Variants in MGAT4C observed in about 807,000 individuals in gnomAD.
MGAT4C encodes the protein alpha-1,3-mannosyl-glycoprotein 4-beta-N-acetylglucosaminyltransferase C.
MGAT4C carries 19 observed loss-of-function variants against 40.1 expected under a neutral mutation model. That is an observed-to-expected ratio of 0.47 (90% confidence interval 0.33 to 0.70). The LOEUF is 0.70. Ranked by LOEUF, MGAT4C falls within the 30% of genes least tolerant of loss-of-function variation. MGAT4C has a pLI of 0.02. For missense variants in MGAT4C, 491 were observed against 563.2 expected, an observed-to-expected ratio of 0.87 and a Z score of 1.30; for synonymous variants, 181 against 187.1, an observed-to-expected ratio of 0.97 and a Z score of 0.27.
chr12:86,734,026 G>A (rs372921025), intron 1 of MGAT4C, among the ~76,000 whole-genome samples: 4 of 152,166 alleles, frequency 2.6e-5, no homozygotes, highest in Admixed American at 6.6e-5. Context: ...AAATACTGCC[G>A]ACAGCTAAGG....
At chr12:86,098,539 C>CT (rs2135589957) in intron 1 of MGAT4C, among the ~76,000 whole-genome samples, 1 of 151,572 alleles carries the variant, frequency 6.6e-6, no homozygotes, top group Admixed American at 6.6e-5. Context: ...GTGTGAATGG[C>CT]TAGAAGGTAG....
chr12:86,163,528 A>G (rs985332522), intron 1 of MGAT4C, among the ~76,000 whole-genome samples: 1 of 152,136 alleles, frequency 6.6e-6, no homozygotes, highest in African/African-American at 2.4e-5. Context: ...GACCTTCTCC[A>G]TTTCACAAAC....
At chr12:86,637,471 T>C (rs1280544615) in intron 2 of MGAT4C, among the ~76,000 whole-genome samples, 1 of 151,970 alleles carries the variant, frequency 6.6e-6, no homozygotes, top group African/African-American at 2.4e-5. Context: ...AGTAGCCAAA[T>C]ATGTTAAGGT....
chr12:86,567,222 C>T (rs186627353), intron 2 of MGAT4C, among the ~76,000 whole-genome samples: 199 of 152,174 alleles, frequency 1.3e-3, no homozygotes, highest in African/African-American at 4.6e-3. Flanking sequence ...TCACCATCAC[C>T]CCTGGTGACT....
rs1158680870 is a variant in MGAT4C at position 86,174,110 on chromosome 12, G to GACACACAC, written c.-57+82121_-57+82128dup. 9.7e-5 allele frequency among the ~76,000 whole-genome samples: 9 copies of GACACACAC among 92,344 alleles called. No homozygotes were observed. In the East Asian group the frequency reaches 2.7e-3, roughly 28 times the overall value. 60.6% of individuals were successfully genotyped at this position (92,344 alleles called of 152,430 possible). On this transcript the variant is annotated intron_variant, in intron 1 of 4. Coordinates refer to ENST00000611864, the MANE Select transcript of MGAT4C (RefSeq NM_001351288.2). ...AAAGTAGGTTATTCTTACCAAAAAA[G>GACACACAC]ACACACACACACATACACACACACA...
intron 1 of MGAT4C, among the ~76,000 whole-genome samples, chr12:86,187,088 T>A (rs1403661940): frequency 1.3e-5 from 2 of 152,078 alleles, no homozygotes; most frequent in Non-Finnish European, 2.9e-5. Flanking sequence ...TTTTTTTTCA[T>A]GCTCTATACG....
chr12:86,833,992 T>C (rs1230666549), intron 1 of MGAT4C, among the ~76,000 whole-genome samples: 3 of 151,884 alleles, frequency 2.0e-5, no homozygotes, highest in African/African-American at 4.8e-5. Flanking sequence ...CATATTGTCA[T>C]AAATGACCAA....
At chr12:86,588,995 A>G (rs1961196776) in intron 2 of MGAT4C, among the ~76,000 whole-genome samples, 2 of 150,908 alleles carry the variant, frequency 1.3e-5, no homozygotes, top group African/African-American at 4.9e-5. Context: ...TAAAAGAACT[A>G]GAAAAGCAAG....
chr12:86,821,735 C>T (rs776383271), intron 1 of MGAT4C, among the ~76,000 whole-genome samples: 47 of 150,948 alleles, frequency 3.1e-4, no homozygotes, highest in Non-Finnish European at 5.7e-4. Flanking sequence ...ATATCAGCCA[C>T]GGTTTGGATA....
At chr12:86,142,607 A>C (rs997133097) in intron 1 of MGAT4C, among the ~76,000 whole-genome samples, 1 of 152,172 alleles carries the variant, frequency 6.6e-6, no homozygotes, top group African/African-American at 2.4e-5. Flanking sequence ...GAATAGCTGA[A>C]TATATAGTAG....
At chr12:86,768,072 A>C (rs1439977842) in intron 1 of MGAT4C, among the ~76,000 whole-genome samples, 1 of 152,218 alleles carries the variant, frequency 6.6e-6, no homozygotes, top group African/African-American at 2.4e-5. Context: ...AGAGGAAGTC[A>C]AATTATCCCT....
At chr12:86,131,396 A>C (rs1389866273) in intron 1 of MGAT4C, among the ~76,000 whole-genome samples, 1 of 152,046 alleles carries the variant, frequency 6.6e-6, no homozygotes, top group Non-Finnish European at 1.5e-5. Flanking sequence ...TCAAAATTTC[A>C]TATACTCATA....
intron 2 of MGAT4C, among the ~76,000 whole-genome samples, chr12:86,022,259 C>T (rs1184674589): frequency 6.6e-6 from 1 of 152,114 alleles, no homozygotes; most frequent in Non-Finnish European, 1.5e-5. Flanking sequence ...TAATACTTTC[C>T]TGATAGTTGT....
intron 1 of MGAT4C, among the ~76,000 whole-genome samples, chr12:86,760,499 G>A (rs1380796178): frequency 5.3e-5 from 8 of 151,724 alleles, no homozygotes; most frequent in African/African-American, 1.9e-4. Context: ...ATTCAAGATG[G>A]AGTAAAAAAT....
intron 1 of MGAT4C, among the ~76,000 whole-genome samples, chr12:86,057,647 G>A (rs1183743839): frequency 6.6e-6 from 1 of 152,068 alleles, no homozygotes; most frequent in Non-Finnish European, 1.5e-5. Flanking sequence ...TTCAATTAGA[G>A]GACTAAGTCC....
At chr12:86,700,783 CT>C (rs1950348448) in intron 2 of MGAT4C, among the ~76,000 whole-genome samples, 1 of 152,068 alleles carries the variant, frequency 6.6e-6, no homozygotes, top group South Asian at 2.1e-4. Flanking sequence ...ACCAATATTG[CT>C]TAGTACATTG....
At chr12:86,480,454 A>G (rs914330457) in intron 2 of MGAT4C, among the ~76,000 whole-genome samples, 1 of 150,922 alleles carries the variant, frequency 6.6e-6, no homozygotes, top group African/African-American at 2.4e-5. Flanking sequence ...ACATATATAG[A>G]TATGTACACA....
At chr12:86,280,952 C>T (rs930173510) in intron 4 of MGAT4C, among the ~76,000 whole-genome samples, 6 of 151,884 alleles carry the variant, frequency 4.0e-5, no homozygotes, top group Admixed American at 3.3e-4. Flanking sequence ...CAATCTTTGT[C>T]TTTTAATTAG....
In MGAT4C at chr12:86,686,623, G is replaced by A. The variant is rs929499606; in HGVS notation, c.-229+40586C>T. On this transcript the variant is annotated intron_variant, in intron 2 of 7. Coordinates refer to the MGAT4C transcript ENST00000548651. ...GTTTTTTGTCATTGGTTCTGTGTCCGTGATGGACTATGTTTATTGATTTTC... is the reference window on the plus strand; with the variant it reads ...GTTTTTTGTCATTGGTTCTGTGTCCATGATGGACTATGTTTATTGATTTTC... Among the ~76,000 whole-genome samples the A allele has an allele frequency of 3.9e-5, 6 of 152,096 alleles. No individual in the cohort carries two copies. The East Asian group carries it at 9.6e-4, about 24-fold the overall frequency.
Sources: gnomAD v4.1 joint callset for allele counts (sites outside exome capture counted in the v4.1 genomes callset) on GRCh38, gnomAD v4.1.1 for gene constraint, MANE v1.5 for transcripts, NCBI Gene and HGNC (gene_info 2026-07-23, HGNC 2026-07-21) for gene names.